Variants in FAM193A observed in about 807,000 individuals in gnomAD.
FAM193A encodes protein FAM193A.
A neutral mutation model predicts 126.5 loss-of-function variants in FAM193A; 22 were observed. That is an observed-to-expected ratio of 0.17 (90% CI 0.12 to 0.25). The LOEUF is 0.25. FAM193A is among the 10% of genes least tolerant of loss of function. The pLI is 1.00. For synonymous variants in FAM193A, 761 were observed against 646.8 expected (o/e 1.18, Z -2.68); for missense variants, 1,675 against 1,672.8 (o/e 1.00, Z -0.02).
intron 1 of FAM193A, among the ~76,000 whole-genome samples, chr4:2,537,833 G>A (rs891284512): frequency 3.9e-5 from 6 of 152,138 alleles, no homozygotes; most frequent in African/African-American, 1.4e-4. Context: ...GGTATTTAGT[G>A]GTTTGGTTAC....
chr4:2,596,375 G>A (rs764368992), intron 2 of FAM193A, 46 bp downstream of exon 2: 10 of 688,322 alleles, frequency 1.5e-5, no homozygotes, highest in South Asian at 4.5e-5. Context: ...GGCTCCCCCC[G>A]CCCAGGTTAT....
At chr4:2,608,289 C>G in intron 2 of FAM193A, 2 of 616,982 alleles carry the variant, frequency 3.2e-6, no homozygotes, top group Non-Finnish European at 5.6e-6. Context: ...AGCAACCCTT[C>G]TGCCTCAGTC....
chr4:2,632,707 G>A (rs1407430207), intron 5 of FAM193A, among the ~76,000 whole-genome samples: 3 of 151,172 alleles, frequency 2.0e-5, no homozygotes, highest in Non-Finnish European at 4.4e-5. Flanking sequence ...GGGCAGGGGG[G>A]CAGTTATCCT....
At chr4:2,621,802 C>T (rs1742559133) in intron 2 of FAM193A, among the ~76,000 whole-genome samples, 1 of 152,060 alleles carries the variant, frequency 6.6e-6, no homozygotes, top group Non-Finnish European at 1.5e-5. Context: ...GCGTGAACCT[C>T]GCTTGTTGAA....
chr4:2,604,580 C>T (rs1471208998), intron 2 of FAM193A, among the ~76,000 whole-genome samples: 1 of 152,070 alleles, frequency 6.6e-6, no homozygotes, highest in African/African-American at 2.4e-5. Flanking sequence ...GCACGGACCC[C>T]ATCTGTGGTC....
chr4:2,608,366 A>C (rs1374636760), intron 2 of FAM193A, among the ~76,000 whole-genome samples: 1 of 151,814 alleles, frequency 6.6e-6, no homozygotes, highest in Non-Finnish European at 1.5e-5. Flanking sequence ...TTTAATATAG[A>C]CGGGGTTTTG....
chr4:2,728,238 A>AT (rs58609064), intron 20 of FAM193A, among the ~76,000 whole-genome samples: 46,234 of 82,062 alleles, frequency 0.56, 13,123 homozygotes, highest in South Asian at 0.7. Flanking sequence ...ACCCGGCCCA[A>AT]TTTTTTTTTT....
rs567025505 is a variant in FAM193A at position 2,693,628 on chromosome 4, C to T, written c.2846C>T (p.Ser949Leu). 27 of 1,614,046 alleles carry T rather than the reference C, an allele frequency of 1.7e-5. No individual in the cohort carries two copies. The highest frequency in any genetic ancestry group is 5.3e-5 in the African/African-American group (4 of 75,062). The change falls in exon 16 of 21, where the codon TCG becomes TTG. Residue 949 changes from serine (S) to leucine (L), a missense_variant. By Grantham distance (145) the Ser-to-Leu change is moderately radical (BLOSUM62 -2). Transcript: ENST00000637812. The part of the protein sequence containing the change: ...HGISKEDHRH[S>L]APAAPRNSPT... ...ATCAGCAAGGAGGACCACAGACACT[C>T]GGCCCCAGCCGCCCCGAGGAATAGC...
intron 20 of FAM193A, among the ~76,000 whole-genome samples, chr4:2,731,223 A>AT (rs1721352279): frequency 7.2e-6 from 1 of 138,820 alleles, no homozygotes; most frequent in Non-Finnish European, 1.6e-5. Flanking sequence ...AAAAAAAAAA[A>AT]ACCGGTGTGG....
At chr4:2,714,440 G>A (rs1038460090) in intron 19 of FAM193A, among the ~76,000 whole-genome samples, 2 of 152,022 alleles carry the variant, frequency 1.3e-5, no homozygotes, top group Non-Finnish European at 2.9e-5. Context: ...TTCCTCCTGA[G>A]TGTAGATTAC....
intron 12 of FAM193A, among the ~76,000 whole-genome samples, chr4:2,665,206 A>G (rs1249774888): frequency 2.0e-5 from 3 of 152,182 alleles, no homozygotes; most frequent in African/African-American, 7.2e-5. Context: ...TATAAGTATT[A>G]TGTGTTTTCA....
At chr4:2,578,281 A>T (rs998914419) in intron 1 of FAM193A, among the ~76,000 whole-genome samples, 2 of 151,702 alleles carry the variant, frequency 1.3e-5, no homozygotes, top group African/African-American at 4.8e-5. Flanking sequence ...TTAATTTGCT[A>T]CCCGTGCATT....
rs112951279 is a variant in FAM193A, at chr4:2,557,881, G to C, written c.255+20711G>C. 1.1e-3 allele frequency among the ~76,000 whole-genome samples: 174 copies of C among 152,198 alleles called. 1 individual carries two copies. Among genetic ancestry groups the C allele is most frequent in the Admixed American group, 2.6e-3 (39 of 15,276 alleles). ...GCAGAAGAATCGCTTGAACCCAGGA[G>C]GCAGAAGTTGCAGTGAGCCAAGAAC... is the stretch of plus-strand genomic sequence containing the variant. On this transcript the variant is annotated intron_variant, in intron 1 of 20. Transcript: ENST00000637812.
chr4:2,603,542 C>T (rs566765375), intron 2 of FAM193A, among the ~76,000 whole-genome samples: 5 of 147,050 alleles, frequency 3.4e-5, no homozygotes, highest in East Asian at 4.1e-4. Context: ...CTGCAAGCTC[C>T]GCCTCCTGGG....
chr4:2,562,956 T>C (rs1174556337), intron 1 of FAM193A, among the ~76,000 whole-genome samples: 1 of 150,846 alleles, frequency 6.6e-6, no homozygotes, highest in African/African-American at 2.4e-5. Context: ...CTTTTTTTTG[T>C]TTTTTTGAGA....
chr4:2,706,067 G>A (rs1718265978), intron 19 of FAM193A, among the ~76,000 whole-genome samples: 1 of 152,100 alleles, frequency 6.6e-6, no homozygotes, highest in African/African-American at 2.4e-5. Flanking sequence ...AAATAGCAGG[G>A]CATGGTGGTG....
intron 20 of FAM193A, 79 bp downstream of exon 20, chr4:2,716,183 A>G: frequency 1.0e-6 from 1 of 954,604 alleles, no homozygotes; most frequent in Non-Finnish European, 1.7e-6. Flanking sequence ...TTTCCATGGC[A>G]CTTCTAGTTG....
intron 5 of FAM193A, among the ~76,000 whole-genome samples, chr4:2,638,285 A>G (rs549468778): frequency 7.2e-5 from 11 of 152,242 alleles, no homozygotes; most frequent in Non-Finnish European, 1.6e-4. Flanking sequence ...AGCAGGAGGT[A>G]GTCTTCGTGT....
intron 1 of FAM193A, among the ~76,000 whole-genome samples, chr4:2,568,973 C>CTTTTTTTTTTTTTTTTTTTTTTTTTCTT (rs753557878): frequency 1.5e-4 from 14 of 90,720 alleles, no homozygotes; most frequent in Non-Finnish European, 2.3e-4. Context: ...TGTTGTTTTG[C>CTTTTTTTTTTTTTTTTTTTTTTTTTCTT]TTTTTTTTTT....
Sources: gnomAD v4.1 joint callset for allele counts (sites outside exome capture counted in the v4.1 genomes callset) on GRCh38, gnomAD v4.1.1 for gene constraint, MANE v1.5 for transcripts, NCBI Gene and HGNC (gene_info 2026-07-23, HGNC 2026-07-21) for gene names.